MYO1E: variants seen among roughly 807,000 people sequenced by gnomAD.
MYO1E encodes the protein myosin IE, also known as unconventional myosin-Ie.
A neutral mutation model predicts 151.1 loss-of-function variants in MYO1E; 68 were observed. The ratio of observed to expected loss-of-function variants is 0.45; its 90% CI spans 0.37 to 0.55. The LOEUF is 0.55. Ranked by LOEUF, MYO1E falls within the 20% of genes least tolerant of loss-of-function variation. MYO1E has a pLI of 0.00. For synonymous variants in MYO1E, 601 were observed against 501.7 expected, an observed-to-expected ratio of 1.20 and a Z score of -2.64; for missense variants, 1,363 against 1,389.3, an observed-to-expected ratio of 0.98 and a Z score of 0.30.
chr15:59,372,554 G>A lies in MYO1E; in HGVS notation c.-54C>T, dbSNP rs563043194. The A allele has an allele frequency of 1.4e-3, 2,092 of 1,534,038 alleles. 4 individuals carry two copies. Among genetic ancestry groups the A allele is most frequent in the Non-Finnish European group, 1.6e-3 (1,845 of 1,140,326 alleles). On this transcript the variant is annotated 5_prime_UTR_variant, in exon 1 of 28. Transcript: ENST00000288235. Reference sequence around the variant, plus strand: ...CCGGGTCCCGCTGCCGGGGAACTGGGGCTGGAACGCAGTCTTCTGGGCGAA... The same window carrying A: ...CCGGGTCCCGCTGCCGGGGAACTGGAGCTGGAACGCAGTCTTCTGGGCGAA...
intron 18 of MYO1E, among the ~76,000 whole-genome samples, chr15:59,184,616 C>T (rs2079684979): frequency 6.6e-6 from 1 of 152,140 alleles, no homozygotes; most frequent in Non-Finnish European, 1.5e-5. Context: ...CTACCTTGAC[C>T]TCCCAAAGTG....
chr15:59,196,759 C>T (rs184692326), intron 16 of MYO1E, among the ~76,000 whole-genome samples: 29 of 152,256 alleles, frequency 1.9e-4, no homozygotes, highest in Middle Eastern at 3.4e-3. Flanking sequence ...GCAGAGGTTG[C>T]ATGATCAAAG....
rs1394774627 is a variant in MYO1E at position 59,372,802 on chromosome 15, G to T, written c.-302C>A. The stretch of plus-strand genomic sequence containing the variant: ...CAGGTGAGTCCGATGCGCTCGGAGC[G>T]TCCGCCTCGCTCCCCTGCCTCACTC... On this transcript the variant is annotated 5_prime_UTR_variant, in exon 1 of 28. Transcript: ENST00000288235. 11 of 489,562 alleles carry T rather than the reference G, an allele frequency of 2.2e-5. No individual in the cohort carries two copies. The highest frequency in any genetic ancestry group is 2.0e-4 in the African/African-American group (10 of 49,236). The allele number at this position is 489,562 out of a possible 1,614,324, so 30.3% of individuals were successfully genotyped here.
chr15:59,279,057 A>C (rs1309700147), intron 1 of MYO1E, among the ~76,000 whole-genome samples: 1 of 152,158 alleles, frequency 6.6e-6, no homozygotes. Context: ...ATCCATTTAA[A>C]TATATGTGAC....
chr15:59,332,465 T>A (rs1027608131), intron 1 of MYO1E, among the ~76,000 whole-genome samples: 10 of 152,206 alleles, frequency 6.6e-5, no homozygotes, highest in Admixed American at 5.9e-4. Flanking sequence ...ATTTCCATTA[T>A]GTGGCTGACA....
intron 26 of MYO1E, among the ~76,000 whole-genome samples, chr15:59,146,258 CAG>C (rs537774222): frequency 5.9e-5 from 9 of 152,166 alleles, no homozygotes; most frequent in Non-Finnish European, 1.2e-4. Context: ...ATAAACATCA[CAG>C]AATTGAAAAT....
In MYO1E at chr15:59,132,798, A is replaced by T. The variant is rs1470630082; in HGVS notation, c.*4582T>A. 6.6e-6 allele frequency: 1 copy of T among 152,222 alleles called. No individual in the cohort carries two copies. Among genetic ancestry groups the T allele is most frequent in the African/African-American group, 2.4e-5 (1 of 41,458 alleles). 9.4% of individuals were successfully genotyped at this position (152,222 alleles called of 1,614,324 possible). On this transcript the variant is annotated 3_prime_UTR_variant, in exon 28 of 28. Transcript: ENST00000288235. Reference sequence around the variant, plus strand: ...AAGTAAAGTATGCCAAGCACTTAGTATAGCTTCTAGTGTGAAGAAGATACT... The same window carrying T: ...AAGTAAAGTATGCCAAGCACTTAGTTTAGCTTCTAGTGTGAAGAAGATACT...
At chr15:59,141,712 C>T (rs1303615942) in intron 26 of MYO1E, among the ~76,000 whole-genome samples, 1 of 145,836 alleles carries the variant, frequency 6.9e-6, no homozygotes. Flanking sequence ...GCAGGAGAAT[C>T]GCTTGAACCC....
At chr15:59,262,214 A>AT (rs1566995278) in intron 2 of MYO1E, among the ~76,000 whole-genome samples, 1 of 151,352 alleles carries the variant, frequency 6.6e-6, no homozygotes, top group Admixed American at 6.6e-5. Context: ...TCTCCAAAAA[A>AT]AAAATAAAAA....
At chr15:59,359,787 G>A (rs1420762921) in intron 1 of MYO1E, 1 of 152,270 alleles carries the variant, frequency 6.6e-6, no homozygotes, top group Non-Finnish European at 1.5e-5. Context: ...AGATCCTTCT[G>A]TGGATGAGGC....
intron 1 of MYO1E, among the ~76,000 whole-genome samples, chr15:59,292,144 G>C (rs1286384399): frequency 1.3e-5 from 2 of 152,148 alleles, no homozygotes. Context: ...AGTGGCTGTG[G>C]ATAAAGGCAA....
chr15:59,256,728 T>C (rs1412990025), intron 3 of MYO1E, among the ~76,000 whole-genome samples: 1 of 152,180 alleles, frequency 6.6e-6, no homozygotes, highest in Non-Finnish European at 1.5e-5. Flanking sequence ...AGTCCATTTC[T>C]AAATGTTTCT....
intron 1 of MYO1E, chr15:59,341,552 T>C (rs1027285467): frequency 6.6e-6 from 1 of 152,228 alleles, no homozygotes; most frequent in Non-Finnish European, 1.5e-5. Context: ...ATGAGTTCAA[T>C]ACTTTTAATT....
intron 21 of MYO1E, 91 bp downstream of exon 21, chr15:59,173,655 C>A: frequency 2.0e-6 from 3 of 1,517,518 alleles, no homozygotes; most frequent in Non-Finnish European, 2.7e-6. Flanking sequence ...CGAACACATT[C>A]TGATTTGGTA....
At chr15:59,323,153 AGC>A (rs1232754060) in intron 1 of MYO1E, among the ~76,000 whole-genome samples, 6 of 134,604 alleles carry the variant, frequency 4.5e-5, no homozygotes, top group East Asian at 2.3e-4. Flanking sequence ...TGGGCGACAG[AGC>A]AAGACCCCAT....
At chr15:59,366,550 T>C (rs1308966581) in intron 1 of MYO1E, among the ~76,000 whole-genome samples, 1 of 152,136 alleles carries the variant, frequency 6.6e-6, no homozygotes, top group African/African-American at 2.4e-5. Context: ...CAAAAGTGCT[T>C]TGAACAACGG....
intron 18 of MYO1E, among the ~76,000 whole-genome samples, chr15:59,179,851 G>A (rs553848423): frequency 6.6e-6 from 1 of 152,198 alleles, no homozygotes; most frequent in South Asian, 2.1e-4. Context: ...GTCAAATATG[G>A]ATAGAATCAT....
intron 24 of MYO1E, among the ~76,000 whole-genome samples, chr15:59,160,499 T>G (rs1483836153): frequency 6.6e-6 from 1 of 151,712 alleles, no homozygotes; most frequent in Non-Finnish European, 1.5e-5. Flanking sequence ...AGCCTTGACC[T>G]CCCAGGCTCA....
intron 26 of MYO1E, among the ~76,000 whole-genome samples, chr15:59,138,931 G>A (rs2079390601): frequency 6.6e-6 from 1 of 152,072 alleles, no homozygotes. Context: ...CTCAACAACT[G>A]GATGACGTGC....
Sources: gnomAD v4.1 joint callset for allele counts (sites outside exome capture counted in the v4.1 genomes callset) on GRCh38, gnomAD v4.1.1 for gene constraint, MANE v1.5 for transcripts, NCBI Gene and HGNC (gene_info 2026-07-23, HGNC 2026-07-21) for gene names.